TRIM23: variants seen among roughly 807,000 people sequenced by gnomAD.
The protein encoded by TRIM23 is E3 ubiquitin-protein ligase TRIM23.
A neutral mutation model predicts 71.0 loss-of-function variants in TRIM23; 27 were observed. The observed-to-expected ratio is 0.38, with a 90% CI of 0.28 to 0.52. The LOEUF is 0.52. TRIM23 is among the 20% of genes least tolerant of loss of function. The pLI is 0.84. For synonymous variants in TRIM23, 234 were observed against 238.0 expected (o/e 0.98, Z 0.16); for missense variants, 482 against 692.3 (o/e 0.70, Z 3.41).
chr5:65,622,532 A>G (rs181197221), intron 1 of TRIM23, among the ~76,000 whole-genome samples: 2 of 152,308 alleles, frequency 1.3e-5, no homozygotes, highest in African/African-American at 4.8e-5. Flanking sequence ...AAGCCATGTC[A>G]TTATCAACTT....
intron 9 of TRIM23, among the ~76,000 whole-genome samples, chr5:65,595,206 G>T (rs1192774632): frequency 3.3e-5 from 5 of 151,718 alleles, no homozygotes; most frequent in Admixed American, 2.6e-4. Flanking sequence ...GAGCCCAGGA[G>T]TTCGAGACCC....
rs374196680 is a variant in TRIM23 at position 65,620,670 on chromosome 5, A to G, written c.82-2415T>C. Among the ~76,000 whole-genome samples the G allele has an allele frequency of 1.3e-3, 203 of 152,326 alleles. 5 individuals carry two copies. In the South Asian group the frequency reaches 0.041, roughly 31 times the overall value. ...ACATTGGAACACTGGTTCCCCATGAAAAAGGCAAACAACTGGGGAACAGCT... is the reference window on the plus strand; with the variant it reads ...ACATTGGAACACTGGTTCCCCATGAGAAAGGCAAACAACTGGGGAACAGCT... On this transcript the variant is annotated intron_variant, in intron 1 of 10. Coordinates refer to ENST00000231524, the MANE Select transcript of TRIM23 (RefSeq NM_001656.4).
intron 1 of TRIM23, among the ~76,000 whole-genome samples, chr5:65,618,482 T>C (rs1162898608): frequency 1.3e-5 from 2 of 152,196 alleles, no homozygotes; most frequent in Admixed American, 1.3e-4. Context: ...ATACTAAGTG[T>C]TGGGGCAAAG....
In TRIM23 at chr5:65,609,476, A is replaced by T; in HGVS notation, c.829-18T>A. 1 of 1,603,704 alleles carries T rather than the reference A, an allele frequency of 6.2e-7. No homozygotes were observed. Among genetic ancestry groups the T allele is most frequent in the Non-Finnish European group, 8.5e-7 (1 of 1,174,416 alleles). The stretch of plus-strand genomic sequence containing the variant: ...CCTGGTACCTAAGAAAATGAAAATA[A>T]ATTTTAAGCAACTGTAATGTTAATA... On this transcript the variant is annotated intron_variant, in intron 5 of 10. Coordinates refer to ENST00000231524, the MANE Select transcript of TRIM23 (RefSeq NM_001656.4).
chr5:65,594,379 C>T, intron 10 of TRIM23, 142 bp downstream of exon 10: 4 of 1,135,148 alleles, frequency 3.5e-6, no homozygotes, highest in Non-Finnish European at 4.9e-6. Flanking sequence ...CCCAGCACAG[C>T]ATTTTCACAT....
intron 7 of TRIM23, among the ~76,000 whole-genome samples, chr5:65,598,129 G>A (rs1754257721): frequency 6.6e-6 from 1 of 152,006 alleles, no homozygotes; most frequent in African/African-American, 2.4e-5. Flanking sequence ...GGGTCTATAT[G>A]AGGCCTCCTT....
intron 6 of TRIM23, among the ~76,000 whole-genome samples, chr5:65,605,301 G>C (rs1261808785): frequency 6.6e-6 from 1 of 152,172 alleles, no homozygotes; most frequent in Non-Finnish European, 1.5e-5. Context: ...CGTGATGATA[G>C]AAATTTCACA....
chr5:65,605,629 T>G (rs1340291129), intron 6 of TRIM23, among the ~76,000 whole-genome samples: 1 of 152,176 alleles, frequency 6.6e-6, no homozygotes, highest in Non-Finnish European at 1.5e-5. Flanking sequence ...CAGATATACA[T>G]GTATTCGTTA....
chr5:65,596,276 T>C, intron 9 of TRIM23, 145 bp downstream of exon 9: 2 of 628,620 alleles, frequency 3.2e-6, no homozygotes, highest in East Asian at 2.8e-5. Context: ...TACTTTCATT[T>C]TTTACAAGTT....
In TRIM23 at chr5:65,592,072, C is replaced by T. The variant is rs116041618; in HGVS notation, c.1546-124G>A. ...GAAGCCTAAACAAAAAACCTAGATT[C>T]ATCTTTCAGTAATTATTCTGAGATT... On this transcript the variant is annotated intron_variant, in intron 10 of 10. Coordinates refer to ENST00000231524, the MANE Select transcript of TRIM23 (RefSeq NM_001656.4). 8.9e-6 allele frequency: 8 copies of T among 898,598 alleles called. No homozygotes were observed. The East Asian group carries it at 2.2e-4, about 24-fold the overall frequency. 55.7% of individuals were successfully genotyped at this position (898,598 alleles called of 1,614,324 possible). A position where few individuals can be genotyped will look rare whatever the true frequency, so the allele number is the denominator to read the frequency against.
chr5:65,607,490 C>T (rs912735123), intron 6 of TRIM23, among the ~76,000 whole-genome samples: 3 of 152,120 alleles, frequency 2.0e-5, no homozygotes, highest in Non-Finnish European at 2.9e-5. Flanking sequence ...TCTCTCCTGC[C>T]GTCCTGTAAA....
chr5:65,602,666 A>C (rs1316235298), intron 7 of TRIM23, among the ~76,000 whole-genome samples: 1 of 152,214 alleles, frequency 6.6e-6, no homozygotes, highest in Non-Finnish European at 1.5e-5. Flanking sequence ...AAAGAGGTTT[A>C]ATTGGACTTA....
At chr5:65,597,488 C>G (rs970246085) in intron 7 of TRIM23, among the ~76,000 whole-genome samples, 5 of 152,080 alleles carry the variant, frequency 3.3e-5, no homozygotes, top group African/African-American at 1.2e-4. Flanking sequence ...AAAAAAATCA[C>G]AATAAGGGTA....
At position 65,590,473 on chromosome 5, in the gene TRIM23, C is replaced by T. The variant is rs1753987556; in HGVS notation, c.*1296G>A. Reference sequence around the variant, plus strand: ...CTACCAAAAAGTCACATCTTGTTACCAGACATCACTGTCCTTACAACAATT... The same window carrying T: ...CTACCAAAAAGTCACATCTTGTTACTAGACATCACTGTCCTTACAACAATT... On this transcript the variant is annotated 3_prime_UTR_variant, in exon 11 of 11. Coordinates refer to ENST00000231524, the MANE Select transcript of TRIM23 (RefSeq NM_001656.4). The T allele has an allele frequency of 4.0e-6, 5 of 1,261,486 alleles. No individual in the cohort carries two copies. The highest frequency in any genetic ancestry group is 4.0e-6 in the Non-Finnish European group (4 of 993,098). The allele number at this position is 1,261,486 out of a possible 1,614,324, so 78.1% of individuals were successfully genotyped here. A position where few individuals can be genotyped will look rare whatever the true frequency, so the allele number is the denominator to read the frequency against.
In TRIM23 at chr5:65,618,051, G is replaced by A. The variant is rs765368200; in HGVS notation, c.244+42C>T. ...GTTTCCTATGACATTTGCATTACAT[G>A]AACAATTTTCAATCTTAAATCCATA... On this transcript the variant is annotated intron_variant, in intron 2 of 10. Transcript: ENST00000231524. 1.7e-5 allele frequency: 26 copies of A among 1,521,674 alleles called. No individual in the cohort carries two copies. The East Asian group carries it at 6.3e-4, about 37-fold the overall frequency. 94.3% of individuals were successfully genotyped at this position (1,521,674 alleles called of 1,614,324 possible).
At position 65,590,491 on chromosome 5, in the gene TRIM23, C is replaced by A. The variant is rs541429038; in HGVS notation, c.*1278G>T. 1.2e-5 allele frequency: 14 copies of A among 1,184,224 alleles called. No homozygotes were observed. The Admixed American group carries it at 1.4e-4, about 12-fold the overall frequency. 73.4% of individuals were successfully genotyped at this position (1,184,224 alleles called of 1,614,324 possible). On this transcript the variant is annotated 3_prime_UTR_variant, in exon 11 of 11. Coordinates refer to ENST00000231524, the MANE Select transcript of TRIM23 (RefSeq NM_001656.4). Reference sequence around the variant, plus strand: ...TTGTTACCAGACATCACTGTCCTTACAACAATTCAACTAATAAGATTTAAG... The same window carrying A: ...TTGTTACCAGACATCACTGTCCTTAAAACAATTCAACTAATAAGATTTAAG...
At chr5:65,619,961 G>A (rs1338915518) in intron 1 of TRIM23, among the ~76,000 whole-genome samples, 1 of 152,070 alleles carries the variant, frequency 6.6e-6, no homozygotes. Context: ...GTGGGCGCCT[G>A]TAAGCCCAGT....
chr5:65,606,406 A>G (rs1044931348), intron 6 of TRIM23, among the ~76,000 whole-genome samples: 1 of 150,170 alleles, frequency 6.7e-6, no homozygotes, highest in Non-Finnish European at 1.5e-5. Flanking sequence ...AGACTGTATC[A>G]CTGCACTCTA....
At position 65,611,903 on chromosome 5, in the gene TRIM23, C is replaced by T. The variant is rs13359660; in HGVS notation, c.367-22G>A. The T allele has an allele frequency of 6.1e-4, 973 of 1,598,174 alleles. 6 individuals carry two copies. In the African/African-American group the frequency reaches 0.012, roughly 19 times the overall value. ...TGCTCTGATAAACAAAAAATTAATG[C>T]CTTAAAATTGAACCCAATCAGTATA... On this transcript the variant is annotated intron_variant, in intron 3 of 10. Transcript: ENST00000231524.
Sources: gnomAD v4.1 joint callset for allele counts (sites outside exome capture counted in the v4.1 genomes callset) on GRCh38, gnomAD v4.1.1 for gene constraint, MANE v1.5 for transcripts, NCBI Gene and HGNC (gene_info 2026-07-23, HGNC 2026-07-21) for gene names.